Variants in CEP192 observed in about 807,000 individuals in gnomAD.
CEP192 encodes the protein centrosomal protein 192.
In CEP192, 151 loss-of-function variants were observed where a neutral mutation model predicts 271.8. That is an observed-to-expected ratio of 0.56 (90% CI 0.49 to 0.64). CEP192 has a LOEUF of 0.64. Ranked by LOEUF, CEP192 falls within the 30% of genes least tolerant of loss-of-function variation. The pLI is 0.00. For missense variants in CEP192, 2,910 were observed against 3,020.5 expected, an observed-to-expected ratio of 0.96 and a Z score of 0.86; for synonymous variants, 995 against 1,076.5, an observed-to-expected ratio of 0.92 and a Z score of 1.48.
chr18:13,064,106 A>G (rs2037558836), intron 21 of CEP192, among the ~76,000 whole-genome samples: 1 of 151,754 alleles, frequency 6.6e-6, no homozygotes, highest in African/African-American at 2.4e-5. Context: ...GGCGTGAGCC[A>G]CTGTGCCTGG....
intron 13 of CEP192, among the ~76,000 whole-genome samples, chr18:13,039,997 G>A (rs139797585): frequency 6.6e-6 from 1 of 152,288 alleles, no homozygotes; most frequent in East Asian, 1.9e-4. Context: ...TGGAGGGATT[G>A]TTTAGCAAAA....
intron 17 of CEP192, among the ~76,000 whole-genome samples, chr18:13,050,600 G>T (rs1436651562): frequency 1.4e-5 from 2 of 144,798 alleles, no homozygotes; most frequent in Non-Finnish European, 3.0e-5. Context: ...TTTTTTTTCC[G>T]ACAGAGTCTC....
chr18:13,084,930 C>T (rs2038821977), intron 30 of CEP192, among the ~76,000 whole-genome samples: 1 of 151,644 alleles, frequency 6.6e-6, no homozygotes, highest in Non-Finnish European at 1.5e-5. Context: ...TCTCCTGCCT[C>T]TGAGCCTCCC....
chr18:13,065,529 A>G (rs932315354), intron 21 of CEP192, among the ~76,000 whole-genome samples: 2 of 152,254 alleles, frequency 1.3e-5, no homozygotes, highest in African/African-American at 4.8e-5. Context: ...TGCAGTTACA[A>G]AAGAACTAAA....
chr18:13,120,729 G>A (rs775279912), intron 44 of CEP192, among the ~76,000 whole-genome samples: 3 of 152,212 alleles, frequency 2.0e-5, no homozygotes, highest in Non-Finnish European at 4.4e-5. Context: ...AGTCTGCATC[G>A]ATATTAACTA....
At chr18:13,064,298 C>T (rs1168492938) in intron 21 of CEP192, among the ~76,000 whole-genome samples, 1 of 151,430 alleles carries the variant, frequency 6.6e-6, no homozygotes, top group Non-Finnish European at 1.5e-5. Context: ...AGTGTATGTT[C>T]TTGGCACCTT....
At position 13,056,659 on chromosome 18, in the gene CEP192, G is replaced by A. The variant is rs2037124030; in HGVS notation, c.4069G>A (p.Gly1357Arg). ...TGTGCCGTCTGTTGGTACAAACTGTGGAATTGAACCATGGGATTCAGGAGT... is the reference window on the plus strand; with the variant it reads ...TGTGCCGTCTGTTGGTACAAACTGTAGAATTGAACCATGGGATTCAGGAGT... ...FPVPSVGTNCGIEPWDSGVTS... is the reference protein window; with the variant it reads ...FPVPSVGTNCRIEPWDSGVTS... The change falls in exon 19 of 45, where the codon GGA becomes AGA. Residue 1357 changes from glycine (G) to arginine (R), a missense_variant. Transcript: ENST00000506447. The A allele has an allele frequency of 6.2e-7, 1 of 1,611,398 alleles. No homozygotes were observed. Among genetic ancestry groups the A allele is most frequent in the African/African-American group, 1.3e-5 (1 of 74,806 alleles).
intron 15 of CEP192, among the ~76,000 whole-genome samples, chr18:13,044,363 C>T (rs2036365974): frequency 6.6e-6 from 1 of 152,140 alleles, no homozygotes; most frequent in African/African-American, 2.4e-5. Flanking sequence ...GGGTTTCCCT[C>T]ATTCATTGGG....
chr18:13,070,609 A>T (rs139175441), intron 27 of CEP192, among the ~76,000 whole-genome samples: 3 of 152,200 alleles, frequency 2.0e-5, no homozygotes, highest in Admixed American at 6.5e-5. Flanking sequence ...CTTAAAGTAC[A>T]CTCTCCTCTG....
intron 44 of CEP192, among the ~76,000 whole-genome samples, chr18:13,119,593 T>C (rs1042738807): frequency 2.0e-5 from 3 of 152,026 alleles, no homozygotes; most frequent in African/African-American, 7.2e-5. Flanking sequence ...ACTGCAAAAA[T>C]TAGCCACGCA....
intron 36 of CEP192, among the ~76,000 whole-genome samples, chr18:13,099,040 C>G (rs578191872): frequency 4.9e-4 from 75 of 152,150 alleles, no homozygotes; most frequent in Non-Finnish European, 7.4e-5. Flanking sequence ...ACCAGTCAGG[C>G]GTGGCAGCGC....
In CEP192 at chr18:13,099,556, A is replaced by G. The variant is rs1259753337; in HGVS notation, c.6638A>G (p.Tyr2213Cys). 5 of 1,581,692 alleles carry G rather than the reference A, an allele frequency of 3.2e-6. No homozygotes were observed. Among genetic ancestry groups the G allele is most frequent in the East Asian group, 4.5e-5 (2 of 44,512 alleles). ...QSMFPWSGLI[Y>C]IHCDDGQKKI... ...ATGTTCCCGTGGAGTGGTTTGATCT[A>G]TATACACTGTGACGATGGACAGAAG... The change falls in exon 37 of 45, where the codon TAT becomes TGT. Residue 2213 changes from tyrosine to cysteine, a missense_variant. Transcript: ENST00000506447.
intron 43 of CEP192, among the ~76,000 whole-genome samples, chr18:13,117,049 C>T (rs1342444873): frequency 6.8e-6 from 1 of 147,274 alleles, no homozygotes; most frequent in Non-Finnish European, 1.5e-5. Context: ...TAGTGAGACT[C>T]CATCTCTACC....
intron 11 of CEP192, among the ~76,000 whole-genome samples, chr18:13,034,812 C>T (rs1012421150): frequency 2.3e-5 from 3 of 131,354 alleles, no homozygotes; most frequent in African/African-American, 8.9e-5. Context: ...GAGCAAAACT[C>T]TGTCTCATAA....
intron 28 of CEP192, among the ~76,000 whole-genome samples, chr18:13,072,117 C>T (rs1185980228): frequency 2.6e-5 from 4 of 152,106 alleles, no homozygotes; most frequent in Non-Finnish European, 4.4e-5. Flanking sequence ...AGACGTAGAC[C>T]TCAGCTGCTG....
chr18:13,071,237 G>A lies in CEP192; in HGVS notation c.5348+25G>A, dbSNP rs138156152. ...AGTAAGTGTCAAAGACTGACAAATC[G>A]TCCACTATTTATACATATTTTGGAG... is the stretch of plus-strand genomic sequence containing the variant. On this transcript the variant is annotated intron_variant, in intron 28 of 44. Coordinates refer to ENST00000506447, the MANE Select transcript of CEP192 (RefSeq NM_032142.4). 1,831 of 1,589,820 alleles carry A rather than the reference G, an allele frequency of 1.2e-3. 11 individuals carry two copies. Among genetic ancestry groups the A allele is most frequent in the South Asian group, 4.9e-3 (441 of 89,562 alleles).
intron 38 of CEP192, among the ~76,000 whole-genome samples, chr18:13,100,985 CCCTGACTTACGGTGG>C (rs761350353): frequency 4.9e-4 from 75 of 152,210 alleles, no homozygotes; most frequent in Non-Finnish European, 9.1e-4. Context: ...TATGGGCAGA[CCCTGACTTACGGTGG>C]CTTGACTTAC....
chr18:13,046,613 A>G (rs1447516875), intron 15 of CEP192, among the ~76,000 whole-genome samples: 1 of 151,924 alleles, frequency 6.6e-6, no homozygotes, highest in East Asian at 1.9e-4. Context: ...CTCTTGGCTT[A>G]CTGATGTTTA....
intron 30 of CEP192, among the ~76,000 whole-genome samples, chr18:13,084,711 C>T (rs550742285): frequency 4.6e-5 from 7 of 152,270 alleles, no homozygotes; most frequent in Admixed American, 2.6e-4. Flanking sequence ...GTGTCAATCA[C>T]GCTGGGAGCT....
Sources: gnomAD v4.1 joint callset for allele counts (sites outside exome capture counted in the v4.1 genomes callset) on GRCh38, gnomAD v4.1.1 for gene constraint, MANE v1.5 for transcripts, NCBI Gene and HGNC (gene_info 2026-07-23, HGNC 2026-07-21) for gene names.